MUC17: variants seen among roughly 807,000 people sequenced by gnomAD.
MUC17 encodes the protein mucin 17, cell surface associated.
In MUC17, 190 loss-of-function variants were observed where a neutral mutation model predicts 170.3. The ratio of observed to expected loss-of-function variants is 1.12; its 90% CI spans 0.99 to 1.26. The LOEUF (loss-of-function observed/expected upper bound fraction) is 1.26, where lower values mean the gene tolerates loss of function less well. MUC17 is among the 50% of genes most tolerant of loss of function. MUC17 has a pLI of 0.00. For synonymous variants in MUC17, 2,325 were observed against 2,002.5 expected (o/e 1.16, Z -4.30); for missense variants, 6,415 against 5,530.0 (o/e 1.16, Z -5.08).
In MUC17 at chr7:101,042,480, G is replaced by A. The variant is rs773286795; in HGVS notation, c.11064G>A (p.Thr3688=). 1.0e-4 allele frequency: 168 copies of A among 1,609,860 alleles called. 2 individuals are homozygous for A. Among genetic ancestry groups the A allele is most frequent in the Admixed American group, 1.8e-4 (11 of 59,666 alleles). ...TPEGTTMPIW[T]PSEGSTPLTT... ...AAGGTACCACCATGCCAATCTGGACGCCTAGTGAAGGAAGCACTCCATTAA... is the reference window on the plus strand; with the variant it reads ...AAGGTACCACCATGCCAATCTGGACACCTAGTGAAGGAAGCACTCCATTAA... The change falls in exon 3 of 13, where the codon ACG becomes ACA. Residue 3688 remains threonine (T), a synonymous_variant. Coordinates refer to ENST00000306151, the MANE Select transcript of MUC17 (RefSeq NM_001040105.2).
chr7:101,024,335 G>A (rs1794143987), intron 1 of MUC17, among the ~76,000 whole-genome samples: 1 of 151,982 alleles, frequency 6.6e-6, no homozygotes, highest in Non-Finnish European at 1.5e-5. Flanking sequence ...GGGAGGCAGA[G>A]GTTGCCGTGA....
rs1368010773 is a variant in MUC17 at position 101,031,780 on chromosome 7, A to G, written c.364A>G (p.Thr122Ala). 1.2e-6 allele frequency: 2 copies of G among 1,607,272 alleles called. No individual in the cohort carries two copies. Among genetic ancestry groups the G allele is most frequent in the East Asian group, 2.2e-5 (1 of 44,846 alleles). The part of the protein sequence containing the change: ...PTESRTTSES[T>A]SDSTTLFPSS... ...AGAATCCAGAACAACTTCAGAATCT[A>G]CCAGTGACAGCACCACACTTTTCCC... is the stretch of plus-strand genomic sequence containing the variant. Residue 122 changes from threonine (T) to alanine (A), a missense_variant, in exon 3 of 13, where the codon ACC becomes GCC. Thr to Ala is a moderately conservative substitution (Grantham distance 58, BLOSUM62 0). Transcript: ENST00000306151.
Position 101,042,290 on chromosome 7 carries a change from T to C in MUC17, c.10874T>C (p.Leu3625Pro). The C allele has an allele frequency of 1.2e-6, 2 of 1,613,908 alleles. No individual in the cohort carries two copies. The highest frequency in any genetic ancestry group is 1.7e-6 in the Non-Finnish European group (2 of 1,180,002). ...CCTACACCTCCTGAAGTTATCACCC[T>C]GCCAATGTCAACTCCTAGTGAAGTA... ...STPTPPEVIT[L>P]PMSTPSEVST... Residue 3625 changes from leucine to proline, a missense_variant, in exon 3 of 13, where the codon CTG (leucine) becomes CCG (proline). Transcript: ENST00000306151.
At chr7:101,051,518 G>A in intron 7 of MUC17, 95 bp from the exon 8 acceptor site, 2 of 1,261,454 alleles carry the variant, frequency 1.6e-6, no homozygotes, top group Non-Finnish European at 2.2e-6. Flanking sequence ...CCCCATCGCA[G>A]CCCACCCCCT....
rs533770796 is a variant in MUC17 at position 101,052,032 on chromosome 7, C to A, written c.13103+70C>A. 5.2e-6 allele frequency: 8 copies of A among 1,533,342 alleles called. No homozygotes were observed. The African/African-American group carries it at 8.2e-5, about 16-fold the overall frequency. The allele number at this position is 1,533,342 out of a possible 1,614,324, so 95.0% of individuals were successfully genotyped here. On this transcript the variant is annotated intron_variant, in intron 9 of 12. Transcript: ENST00000306151. ...TCCTCCCCTCCCCTGCAGGGCTTCACCCCAGGCATTGCCTGGAGACCAAGG... is the reference window on the plus strand; with the variant it reads ...TCCTCCCCTCCCCTGCAGGGCTTCAACCCAGGCATTGCCTGGAGACCAAGG...
rs780089274 is a variant in MUC17 at position 101,034,907 on chromosome 7, G to A, written c.3491G>A (p.Ser1164Asn). The change falls in exon 3 of 13, where the codon AGT becomes AAT. Residue 1164 changes from serine (S) to asparagine (N), a missense_variant. Ser to Asn is a conservative substitution (Grantham distance 46). Transcript: ENST00000306151. ...AGTGAAGGAACCACTCCGTTAGCAA[G>A]TATGCCTGTCAGCACCACGCTGGTG... ...PPSEGTTPLA[S>N]MPVSTTLVVS... The A allele has an allele frequency of 6.2e-7, 1 of 1,613,464 alleles. No individual in the cohort carries two copies. The highest frequency in any genetic ancestry group is 1.1e-5 in the South Asian group (1 of 91,010).
chr7:101,020,351 T>C (rs1794050045), intron 1 of MUC17, 134 bp downstream of exon 1: 1 of 602,516 alleles, frequency 1.7e-6, no homozygotes, highest in Non-Finnish European at 2.7e-6. Context: ...AGCTCAGCCC[T>C]GTGCCTACCC....
At position 101,037,292 on chromosome 7, in the gene MUC17, C is replaced by A. The variant is rs546984174; in HGVS notation, c.5876C>A (p.Thr1959Asn). 6.2e-7 allele frequency: 1 copy of A among 1,613,574 alleles called. No homozygotes were observed. The highest frequency in any genetic ancestry group is 2.2e-5 in the East Asian group (1 of 44,866). Reference sequence around the variant, plus strand: ...GCTGACACCAGGACACCTGTGACCACTTATTCTCAAGCCAGTTCATCTCCT... The same window carrying A: ...GCTGACACCAGGACACCTGTGACCAATTATTCTCAAGCCAGTTCATCTCCT... Reference protein sequence around the residue: ...TLADTRTPVTTYSQASSSPTT... With the variant: ...TLADTRTPVTNYSQASSSPTT... The change falls in exon 3 of 13, where the codon ACT (threonine) becomes AAT (asparagine). Residue 1959 changes from threonine (T) to asparagine (N), a missense_variant. Physicochemically the swap from Thr to Asn is moderately conservative, Grantham distance 65 (BLOSUM62 0). Transcript: ENST00000306151.
At chr7:101,047,299 G>A (rs1263525403) in intron 3 of MUC17, among the ~76,000 whole-genome samples, 1 of 152,024 alleles carries the variant, frequency 6.6e-6, no homozygotes, top group Non-Finnish European at 1.5e-5. Context: ...GTTCACCCGG[G>A]TTCTCCCTTC....
Position 101,053,014 on chromosome 7 carries a change from AGTG to A in MUC17, c.13134_13136del (p.Ser4378_Gly4379delinsArg). 1 of 1,614,088 alleles carries A rather than the reference AGTG, an allele frequency of 6.2e-7. No homozygotes were observed. Among genetic ancestry groups the A allele is most frequent in the Non-Finnish European group, 8.5e-7 (1 of 1,179,994 alleles). ...CGTGACCACGGAAACTCACTGGTAC[AGTG>A]GGGAGACCTGTAACCAGGGCACCCA... On this transcript the variant is annotated inframe_deletion, in exon 10 of 13. Coordinates refer to ENST00000306151, the MANE Select transcript of MUC17 (RefSeq NM_001040105.2).
rs370245050 is a variant in MUC17, at chr7:101,031,583, T to A, written c.185-18T>A. On this transcript the variant is annotated intron_variant, in intron 2 of 12. Coordinates refer to ENST00000306151, the MANE Select transcript of MUC17 (RefSeq NM_001040105.2). ...CCCTAAGAAACTTCTAAACAAAATA[T>A]CATTGTATCTTAAACAGGTTCTGCG... 1.5e-5 allele frequency: 22 copies of A among 1,514,640 alleles called. No individual in the cohort carries two copies. In the South Asian group the frequency reaches 2.6e-4, roughly 18 times the overall value. The allele number at this position is 1,514,640 out of a possible 1,614,324, so 93.8% of individuals were successfully genotyped here.
chr7:101,036,697 G>A lies in MUC17; in HGVS notation c.5281G>A (p.Val1761Ile), dbSNP rs781393368. ...AAGTATACCTGTCAGCACCACGCCG[G>A]TACTCAGTTCTGAGGCTAGCACCCT... ...LTSIPVSTTP[V>I]LSSEASTLSA... The change falls in exon 3 of 13, where the codon GTA becomes ATA. Residue 1761 changes from valine to isoleucine, a missense_variant. Physicochemically the swap from Val to Ile is conservative, Grantham distance 29 (BLOSUM62 3). Transcript: ENST00000306151. 3 of 1,612,990 alleles carry A rather than the reference G, an allele frequency of 1.9e-6. No individual in the cohort carries two copies. Among genetic ancestry groups the A allele is most frequent in the African/African-American group, 2.7e-5 (2 of 74,542 alleles).
Position 101,034,644 on chromosome 7 carries a change from T to G in MUC17, c.3228T>G (p.Tyr1076Ter), listed in dbSNP as rs772455121. 17 of 1,603,596 alleles carry G rather than the reference T, an allele frequency of 1.1e-5. No individual in the cohort carries two copies. The South Asian group carries it at 1.8e-4, about 17-fold the overall frequency. ...PADTSTPVTT[Y>*]SQASSSSTTA... ...ACACCAGCACACCTGTGACCACTTA[T>G]TCTCAAGCCAGTTCATCTTCTACAA... Residue 1076 changes from tyrosine to a stop codon, truncating the protein, a stop_gained, in exon 3 of 13, where the codon TAT (tyrosine) becomes TAG (stop). Coordinates refer to ENST00000306151, the MANE Select transcript of MUC17 (RefSeq NM_001040105.2). LOFTEE classifies it high-confidence loss of function.
chr7:101,037,689 C>T lies in MUC17; in HGVS notation c.6273C>T (p.Ser2091=). Residue 2091 remains serine (S), a synonymous_variant, in exon 3 of 13, where the codon AGC becomes AGT. Transcript: ENST00000306151. ...CATCTGCAACCGCTGAAGGTAGCAG[C>T]ATGACAATCTCAGCTCCTAGTGAAG... The part of the protein sequence containing the change: ...ASSSATAEGS[S]MTISAPSEGS... 1 of 1,613,382 alleles carries T rather than the reference C, an allele frequency of 6.2e-7. No individual in the cohort carries two copies. The highest frequency in any genetic ancestry group is 8.5e-7 in the Non-Finnish European group (1 of 1,179,830).
At chr7:101,020,342 G>C in intron 1 of MUC17, 125 bp downstream of exon 1, 2 of 684,484 alleles carry the variant, frequency 2.9e-6, no homozygotes, top group South Asian at 5.0e-5. Context: ...TCTGCCTGGA[G>C]CTCAGCCCTG....
chr7:101,042,185 G>A lies in MUC17; in HGVS notation c.10769G>A (p.Ser3590Asn), dbSNP rs751319331. ...CTCCTCAGCAGCACATATGTGACCA[G>A]TTCTGAGGCTAGCACACCTTCCACT... Reference protein sequence around the residue: ...TMLLSSTYVTSSEASTPSTPS... With the variant: ...TMLLSSTYVTNSEASTPSTPS... The change falls in exon 3 of 13, where the codon AGT (serine) becomes AAT (asparagine). Residue 3590 changes from serine (S) to asparagine (N), a missense_variant. By Grantham distance (46) the Ser-to-Asn change is conservative (BLOSUM62 1). Coordinates refer to ENST00000306151, the MANE Select transcript of MUC17 (RefSeq NM_001040105.2). The A allele has an allele frequency of 1.2e-5, 20 of 1,614,060 alleles. No individual in the cohort carries two copies. In the African/African-American group the frequency reaches 2.0e-4, roughly 16 times the overall value.
intron 11 of MUC17, chr7:101,053,697 G>A (rs1469781061): frequency 3.7e-6 from 1 of 273,028 alleles, no homozygotes; most frequent in Non-Finnish European, 6.9e-6. Context: ...GGACCACATA[G>A]TGAAACCCTG....
intron 6 of MUC17, among the ~76,000 whole-genome samples, 185 bp downstream of exon 6, chr7:101,049,567 T>A (rs546081127): frequency 2.6e-5 from 4 of 152,138 alleles, no homozygotes; most frequent in Non-Finnish European, 5.9e-5. Context: ...AGGTCTAAGA[T>A]GAAGGTGTGG....
At position 101,034,247 on chromosome 7, in the gene MUC17, T is replaced by G. The variant is rs1357338911; in HGVS notation, c.2831T>G (p.Leu944Arg). 2 of 1,601,880 alleles carry G rather than the reference T, an allele frequency of 1.2e-6. No individual in the cohort carries two copies. Among genetic ancestry groups the G allele is most frequent in the African/African-American group, 2.7e-5 (2 of 73,866 alleles). The change falls in exon 3 of 13, where the codon CTT (leucine) becomes CGT (arginine). Residue 944 changes from leucine to arginine, a missense_variant. By Grantham distance (102) the Leu-to-Arg change is moderately radical. Coordinates refer to ENST00000306151, the MANE Select transcript of MUC17 (RefSeq NM_001040105.2). ...TPVVSSEART[L>R]SATPVDTSTP... ...GTAGTCAGTTCTGAGGCTAGAACAC[T>G]TTCAGCAACTCCTGTTGACACCAGC...
Sources: gnomAD v4.1 joint callset for allele counts (sites outside exome capture counted in the v4.1 genomes callset) on GRCh38, gnomAD v4.1.1 for gene constraint, MANE v1.5 for transcripts, NCBI Gene and HGNC (gene_info 2026-07-23, HGNC 2026-07-21) for gene names.